The following KANK1 variants were observed in gnomAD, a reference collection of about 807,000 sequenced individuals.
The protein encoded by KANK1 is KN motif and ankyrin repeat domain-containing protein 1.
In KANK1, 109 loss-of-function variants were observed where a neutral mutation model predicts 106.2. The observed-to-expected ratio is 1.03, with a 90% CI of 0.88 to 1.20. The LOEUF is 1.20. KANK1 is among the 50% of genes most tolerant of loss of function. The pLI, the probability that KANK1 is intolerant of heterozygous loss-of-function variation, is 0.00. For missense variants in KANK1, 2,399 were observed against 1,710.7 expected (o/e 1.40, Z -7.10); for synonymous variants, 873 against 652.2 (o/e 1.34, Z -5.16).
intron 1 of KANK1, among the ~76,000 whole-genome samples, chr9:571,910 A>C (rs1441838733): frequency 6.6e-6 from 1 of 152,190 alleles, no homozygotes; most frequent in East Asian, 1.9e-4. Flanking sequence ...CATGTCTCAT[A>C]AATCAAGTCC....
intron 3 of KANK1, among the ~76,000 whole-genome samples, chr9:482,987 T>G (rs1418254608): frequency 1.3e-5 from 2 of 152,206 alleles, no homozygotes; most frequent in African/African-American, 4.8e-5. Context: ...GTTAATCACT[T>G]AGTAGATCTG....
chr9:587,882 A>G (rs936847810), intron 1 of KANK1, among the ~76,000 whole-genome samples: 5 of 152,188 alleles, frequency 3.3e-5, no homozygotes, highest in Admixed American at 1.3e-4. Context: ...CCTGGCCAAC[A>G]TGGCGAAACC....
At chr9:546,272 C>T (rs751517096) in intron 1 of KANK1, among the ~76,000 whole-genome samples, 58 of 151,964 alleles carry the variant, frequency 3.8e-4, no homozygotes, top group East Asian at 2.1e-3. Flanking sequence ...TGGCAATATC[C>T]GAAGAAATTT....
intron 3 of KANK1, among the ~76,000 whole-genome samples, chr9:723,372 G>A (rs1034302959): frequency 2.0e-5 from 3 of 152,160 alleles, no homozygotes; most frequent in Non-Finnish European, 4.4e-5. Flanking sequence ...AGGCTTACCA[G>A]GTTGTTAGAA....
chr9:598,875 G>A (rs376860442), intron 1 of KANK1, among the ~76,000 whole-genome samples: 7 of 149,610 alleles, frequency 4.7e-5, no homozygotes, highest in Admixed American at 1.3e-4. Flanking sequence ...CAGGTGATCC[G>A]CCCTCCTCCA....
intron 1 of KANK1, among the ~76,000 whole-genome samples, chr9:507,349 T>C (rs1406322007): frequency 6.6e-6 from 1 of 151,676 alleles, no homozygotes; most frequent in Non-Finnish European, 1.5e-5. Flanking sequence ...AGCAATATCC[T>C]CTCTCAAAAC....
At chr9:579,706 C>A (rs964943801) in intron 1 of KANK1, among the ~76,000 whole-genome samples, 2 of 152,132 alleles carry the variant, frequency 1.3e-5, no homozygotes, top group Admixed American at 6.5e-5. Context: ...GTGGCCCAGT[C>A]AGAAGACCCC....
chr9:670,231 T>G (rs1480182090), intron 1 of KANK1, among the ~76,000 whole-genome samples: 4 of 152,176 alleles, frequency 2.6e-5, no homozygotes, highest in Admixed American at 6.5e-5. Flanking sequence ...AGTCACTGGT[T>G]CCTTGCTTTA....
At chr9:686,737 CCTAT>C in intron 2 of KANK1, 2 of 984,676 alleles carry the variant, frequency 2.0e-6, no homozygotes, top group Non-Finnish European at 2.4e-6. Context: ...ATGATTGTTA[CCTAT>C]GAGCCTATCC....
At chr9:563,088 C>T (rs918961739) in intron 1 of KANK1, among the ~76,000 whole-genome samples, 2 of 152,058 alleles carry the variant, frequency 1.3e-5, no homozygotes, top group Non-Finnish European at 2.9e-5. Context: ...AGATCAAGTA[C>T]TCTTTTTTGG....
chr9:693,664 C>G (rs1181012700), intron 2 of KANK1: 2 of 985,340 alleles, frequency 2.0e-6, no homozygotes, highest in Non-Finnish European at 2.4e-6. Context: ...TAAATAAATT[C>G]TCTGCAACAG....
At chr9:616,203 C>T (rs963876226) in intron 1 of KANK1, among the ~76,000 whole-genome samples, 11 of 152,128 alleles carry the variant, frequency 7.2e-5, no homozygotes, top group Non-Finnish European at 1.0e-4. Flanking sequence ...ACTAGACTTC[C>T]AAATTTTATC....
chr9:668,458 T>C (rs562422144), intron 1 of KANK1, among the ~76,000 whole-genome samples: 1 of 152,298 alleles, frequency 6.6e-6, no homozygotes, highest in South Asian at 2.1e-4. Context: ...ATTTTTTGAA[T>C]AATGTCTCTT....
chr9:626,769 C>G (rs577778100), intron 1 of KANK1, among the ~76,000 whole-genome samples: 2 of 152,318 alleles, frequency 1.3e-5, no homozygotes, highest in South Asian at 2.1e-4. Context: ...TCACATCCAC[C>G]CTCGGTCTCC....
In KANK1 at chr9:580,175, G is replaced by C. The variant is rs569797038; in HGVS notation, c.-84+75421G>C. ...GCAGACCTTCGCGGTGAGTGTAACA[G>C]CTCTTAAGGCGGCGCGTCTGGAGTT... is the stretch of plus-strand genomic sequence containing the variant. On this transcript the variant is annotated intron_variant, in intron 1 of 11. Transcript: ENST00000382297. Among the ~76,000 whole-genome samples the C allele has an allele frequency of 3.9e-5, 6 of 152,020 alleles. No individual in the cohort carries two copies. In the South Asian group the frequency reaches 1.0e-3, roughly 27 times the overall value.
chr9:619,655 C>G (rs1005868940), intron 1 of KANK1, among the ~76,000 whole-genome samples: 1 of 152,042 alleles, frequency 6.6e-6, no homozygotes, highest in African/African-American at 2.4e-5. Flanking sequence ...TGGGTGCTCA[C>G]GGACTGCAGA....
intron 1 of KANK1, among the ~76,000 whole-genome samples, chr9:605,558 A>G (rs1828893922): frequency 6.6e-6 from 1 of 151,746 alleles, no homozygotes; most frequent in Admixed American, 6.6e-5. Flanking sequence ...GTAGAGGGGT[A>G]AGAGAGCGTT....
intron 1 of KANK1, among the ~76,000 whole-genome samples, chr9:645,220 C>T (rs1037589983): frequency 1.4e-5 from 2 of 148,110 alleles, no homozygotes; most frequent in South Asian, 2.1e-4. Flanking sequence ...GTGGGCAGAT[C>T]GCTTAGGGTC....
chr9:507,674 A>G (rs1218028460), intron 1 of KANK1, among the ~76,000 whole-genome samples: 2 of 151,084 alleles, frequency 1.3e-5, no homozygotes, highest in African/African-American at 4.9e-5. Context: ...CTCGTGCCTC[A>G]GCCTCCCGAG....
Sources: gnomAD v4.1 joint callset for allele counts (sites outside exome capture counted in the v4.1 genomes callset) on GRCh38, gnomAD v4.1.1 for gene constraint, MANE v1.5 for transcripts, NCBI Gene and HGNC (gene_info 2026-07-23, HGNC 2026-07-21) for gene names.